STPG2: variants seen among roughly 807,000 people sequenced by gnomAD.
STPG2 encodes the protein sperm tail PG-rich repeat containing 2.
In STPG2, 56 loss-of-function variants were observed where a neutral mutation model predicts 54.2. The ratio of observed to expected loss-of-function variants is 1.03; its 90% CI spans 0.83 to 1.29. The LOEUF is 1.29. STPG2 is among the 50% of genes most tolerant of loss of function. The probability of loss-of-function intolerance (pLI) is 0.00; values close to 1 mark genes in which losing one functional copy is unlikely to be tolerated. For missense variants in STPG2, 596 were observed against 544.9 expected (o/e 1.09, Z -0.93); for synonymous variants, 200 against 181.8 (o/e 1.10, Z -0.81).
chr4:97,958,404 A>C (rs1265575991), intron 7 of STPG2, among the ~76,000 whole-genome samples: 2 of 152,196 alleles, frequency 1.3e-5, no homozygotes, highest in Admixed American at 6.5e-5. Flanking sequence ...ACTAACATTG[A>C]ATGTACATTG....
At chr4:98,090,681 A>G (rs1056715497) in intron 5 of STPG2, among the ~76,000 whole-genome samples, 1 of 151,928 alleles carries the variant, frequency 6.6e-6, no homozygotes, top group East Asian at 1.9e-4. Flanking sequence ...ATTCTCCCCA[A>G]CCATCAGCAT....
At chr4:97,457,979 A>G (rs567422684) in intron 4 of STPG2, among the ~76,000 whole-genome samples, 9 of 152,362 alleles carry the variant, frequency 5.9e-5, no homozygotes, top group African/African-American at 2.2e-4. Flanking sequence ...ACAGCACATA[A>G]TCAGAGGTTC....
chr4:97,908,546 C>T (rs1731542754), intron 8 of STPG2, among the ~76,000 whole-genome samples: 2 of 152,024 alleles, frequency 1.3e-5, no homozygotes, highest in African/African-American at 2.4e-5. Flanking sequence ...AATCATGCTG[C>T]TATAAAGACA....
At chr4:97,998,420 C>T (rs988378867) in intron 5 of STPG2, among the ~76,000 whole-genome samples, 1 of 152,104 alleles carries the variant, frequency 6.6e-6, no homozygotes, top group Non-Finnish European at 1.5e-5. Context: ...GCCCCAGCAC[C>T]AAATGAATGC....
At chr4:97,599,396 G>A (rs2148904886) in intron 10 of STPG2, among the ~76,000 whole-genome samples, 1 of 152,272 alleles carries the variant, frequency 6.6e-6, no homozygotes, top group East Asian at 1.9e-4. Context: ...CCATTATTGG[G>A]TATGTTCCCA....
chr4:97,803,929 C>T (rs1727474439), intron 9 of STPG2, among the ~76,000 whole-genome samples: 1 of 152,150 alleles, frequency 6.6e-6, no homozygotes, highest in Admixed American at 6.5e-5. Flanking sequence ...GAGCAAATCA[C>T]AGTACCCCAC....
At chr4:97,877,210 C>T (rs866873808) in intron 8 of STPG2, among the ~76,000 whole-genome samples, 1 of 152,060 alleles carries the variant, frequency 6.6e-6, no homozygotes, top group African/African-American at 2.4e-5. Context: ...CAACATCTTC[C>T]CTTTTCTCAA....
chr4:97,770,417 C>T (rs544899155), intron 9 of STPG2, among the ~76,000 whole-genome samples: 1 of 152,126 alleles, frequency 6.6e-6, no homozygotes, highest in South Asian at 2.1e-4. Context: ...ATTTGGCAAG[C>T]ACAAAGAACT....
chr4:97,999,341 T>C (rs1735338980), intron 5 of STPG2, among the ~76,000 whole-genome samples: 1 of 152,214 alleles, frequency 6.6e-6, no homozygotes, highest in Admixed American at 6.5e-5. Context: ...TAGCCATCTT[T>C]CACATAGAGG....
chr4:97,640,697 A>T (rs58210011), intron 10 of STPG2, among the ~76,000 whole-genome samples: 2,649 of 151,732 alleles, frequency 0.017, 74 homozygotes, highest in African/African-American at 0.06. Flanking sequence ...ATGAAGAAGT[A>T]AATATAAACA....
chr4:97,571,095 T>C (rs1428654107), intron 10 of STPG2, among the ~76,000 whole-genome samples: 1 of 152,030 alleles, frequency 6.6e-6, no homozygotes, highest in African/African-American at 2.4e-5. Flanking sequence ...TCTTGGATGG[T>C]ATAGTATTTA....
chr4:97,770,068 G>A (rs1432331951), intron 9 of STPG2, among the ~76,000 whole-genome samples: 2 of 151,844 alleles, frequency 1.3e-5, no homozygotes, highest in East Asian at 1.9e-4. Flanking sequence ...AAAATTACAC[G>A]GGCATAGTTG....
chr4:97,691,371 G>A (rs1445798833), intron 10 of STPG2, among the ~76,000 whole-genome samples: 1 of 152,124 alleles, frequency 6.6e-6, no homozygotes, highest in East Asian at 1.9e-4. Flanking sequence ...GGTACAGGCT[G>A]CGTGGGAGCT....
At chr4:98,075,847 TAA>T (rs1277682057) in intron 5 of STPG2, among the ~76,000 whole-genome samples, 1 of 152,232 alleles carries the variant, frequency 6.6e-6, no homozygotes, top group East Asian at 1.9e-4. Context: ...TAATATCACA[TAA>T]AGTTATATTT....
At chr4:98,093,394 C>T (rs1738749402) in intron 5 of STPG2, among the ~76,000 whole-genome samples, 1 of 152,116 alleles carries the variant, frequency 6.6e-6, no homozygotes, top group South Asian at 2.1e-4. Flanking sequence ...ATTTAAAAAA[C>T]TCACATTGAT....
At chr4:97,778,541 C>T (rs183969628) in intron 9 of STPG2, among the ~76,000 whole-genome samples, 97 of 152,348 alleles carry the variant, frequency 6.4e-4, no homozygotes, top group African/African-American at 2.3e-3. Flanking sequence ...GCAGGAACCT[C>T]TGCAGACTTA....
intron 4 of STPG2, among the ~76,000 whole-genome samples, chr4:97,536,329 A>G (rs1731529783): frequency 6.6e-6 from 1 of 152,082 alleles, no homozygotes; most frequent in Non-Finnish European, 1.5e-5. Context: ...AAGTGACTGG[A>G]CCATTGGGGC....
chr4:97,727,873 C>T (rs1221009461), intron 9 of STPG2, among the ~76,000 whole-genome samples: 1 of 151,692 alleles, frequency 6.6e-6, no homozygotes, highest in Non-Finnish European at 1.5e-5. Flanking sequence ...TTAAGAAGCA[C>T]AAATGAAAGC....
intron 5 of STPG2, among the ~76,000 whole-genome samples, chr4:98,094,217 A>T (rs1170252353): frequency 6.6e-6 from 1 of 152,172 alleles, no homozygotes; most frequent in East Asian, 1.9e-4. Flanking sequence ...AGAGTTGTGA[A>T]GCCTCCATTC....
Sources: allele counts gnomAD v4.1 joint callset (sites outside exome capture counted in the v4.1 genomes callset), GRCh38; gene constraint gnomAD v4.1.1; transcripts MANE v1.5; gene names NCBI Gene and HGNC (gene_info 2026-07-23, HGNC 2026-07-21).